UNC79: variants seen among roughly 807,000 people sequenced by gnomAD.
The protein encoded by UNC79 is unc-79 subunit of NALCN channel complex.
A neutral mutation model predicts 283.1 loss-of-function variants in UNC79; 37 were observed. That is an observed-to-expected ratio of 0.13 (90% CI 0.10 to 0.17). UNC79 has a LOEUF of 0.17. UNC79 is among the 10% of genes least tolerant of loss of function. The pLI, the probability that UNC79 is intolerant of heterozygous loss-of-function variation, is 1.00. For missense variants in UNC79, 2,272 were observed against 3,211.1 expected, an observed-to-expected ratio of 0.71 and a Z score of 7.07; for synonymous variants, 1,107 against 1,200.2, an observed-to-expected ratio of 0.92 and a Z score of 1.61.
intron 11 of UNC79, among the ~76,000 whole-genome samples, 178 bp downstream of exon 11, chr14:93,532,756 A>G (rs1169738409): frequency 2.6e-5 from 4 of 152,154 alleles, no homozygotes; most frequent in Admixed American, 2.6e-4. Flanking sequence ...AATGGTCTCT[A>G]TTTCCATTTC....
intron 1 of UNC79, 63 bp downstream of exon 1, chr14:93,431,114 G>A (rs992640969): frequency 1.7e-5 from 11 of 655,146 alleles, no homozygotes; most frequent in Non-Finnish European, 2.2e-5. Flanking sequence ...CAGCTGCGGC[G>A]TTTGCGGCTG....
intron 1 of UNC79, among the ~76,000 whole-genome samples, chr14:93,378,489 T>C (rs189136409): frequency 9.8e-5 from 15 of 152,326 alleles, no homozygotes; most frequent in Admixed American, 7.2e-4. Context: ...ATTTTGTTTT[T>C]TTTTCAGATT....
intron 5 of UNC79, among the ~76,000 whole-genome samples, chr14:93,490,557 A>G (rs2058674612): frequency 6.6e-6 from 1 of 152,176 alleles, no homozygotes; most frequent in Admixed American, 6.5e-5. Context: ...CTAGGACATG[A>G]ACACAATTCA....
chr14:93,604,753 CA>C, intron 26 of UNC79, 142 bp from the exon 27 acceptor site: 1 of 815,170 alleles, frequency 1.2e-6, no homozygotes, highest in Non-Finnish European at 1.7e-6. Context: ...ACGTTTGTTA[CA>C]TAAACAACTT....
chr14:93,662,655 G>A lies in UNC79; in HGVS notation c.6577G>A (p.Val2193Ile), dbSNP rs781053260. ...GCTCAGCTTTGTAATTCAGAATGCC[G>A]TCTTCACTCTGGCCTACCTGGTGGA... Residue 2193 changes from valine to isoleucine, a missense_variant, in exon 40 of 49, where the codon GTC becomes ATC. This residue lies in a region of UNC79 where 287 missense variants were observed against 446.4 expected (regional missense o/e 0.64). Coordinates refer to ENST00000555664, the Ensembl canonical transcript of UNC79. 21 of 1,611,924 alleles carry A rather than the reference G, an allele frequency of 1.3e-5. No individual in the cohort carries two copies. In the East Asian group the frequency reaches 1.8e-4, roughly 14 times the overall value.
At chr14:93,458,371 G>C (rs547678414) in intron 1 of UNC79, among the ~76,000 whole-genome samples, 11 of 152,214 alleles carry the variant, frequency 7.2e-5, no homozygotes, top group Non-Finnish European at 1.3e-4. Context: ...TGATTTGCTT[G>C]AAGTCACACA....
chr14:93,676,442 G>A lies in UNC79; in HGVS notation c.6741+2987G>A, dbSNP rs190240339. On this transcript the variant is annotated intron_variant, in intron 41 of 48. Transcript: ENST00000555664. ...TGAACAGGGCTTAGGGAAATATCCC[G>A]GGAGGGATTTAAGGTTAGCAGCCTG... Among the ~76,000 whole-genome samples, 47 of 152,306 alleles carry A rather than the reference G, an allele frequency of 3.1e-4. 1 individual carries two copies. In the East Asian group the frequency reaches 7.3e-3, roughly 24 times the overall value.
At chr14:93,517,959 C>A (rs2060149247) in intron 7 of UNC79, among the ~76,000 whole-genome samples, 1 of 150,488 alleles carries the variant, frequency 6.6e-6, no homozygotes, top group African/African-American at 2.4e-5. Flanking sequence ...ATCTTGCATT[C>A]TTGGGATGAA....
intron 1 of UNC79, among the ~76,000 whole-genome samples, chr14:93,353,707 G>A (rs925585415): frequency 9.2e-5 from 14 of 152,144 alleles, no homozygotes; most frequent in African/African-American, 3.1e-4. Context: ...CCTCAAACTT[G>A]CTCTTCTTCC....
chr14:93,381,669 T>G (rs2054667857), intron 1 of UNC79, among the ~76,000 whole-genome samples: 2 of 152,136 alleles, frequency 1.3e-5, no homozygotes, highest in South Asian at 4.2e-4. Flanking sequence ...GAAGAGGAGG[T>G]ATACTCCCAG....
intron 41 of UNC79, 144 bp from the exon 45 acceptor site, chr14:93,682,473 T>C: frequency 1.5e-6 from 1 of 667,686 alleles, no homozygotes; most frequent in Non-Finnish European, 2.5e-6. Flanking sequence ...GAATGAACCA[T>C]CATGATTAGC....
chr14:93,411,363 G>A (rs1439025534), intron 1 of UNC79, among the ~76,000 whole-genome samples: 2 of 152,210 alleles, frequency 1.3e-5, no homozygotes, highest in Non-Finnish European at 2.9e-5. Flanking sequence ...CCCAGGACCT[G>A]GGGGAACTTG....
At chr14:93,629,767 T>A (rs1171121396) in intron 30 of UNC79, among the ~76,000 whole-genome samples, 1 of 152,230 alleles carries the variant, frequency 6.6e-6, no homozygotes, top group Admixed American at 6.5e-5. Flanking sequence ...ATTTGCACCA[T>A]GACAAGGATG....
chr14:93,596,528 G>A (rs1234188038), intron 23 of UNC79, among the ~76,000 whole-genome samples: 1 of 152,154 alleles, frequency 6.6e-6, no homozygotes, highest in Admixed American at 6.5e-5. Context: ...CCAGCTACTT[G>A]GGAGGCTGAG....
rs147805247 is a variant in UNC79, at chr14:93,475,017, A to G, written c.448+624A>G. Among the ~76,000 whole-genome samples the G allele has an allele frequency of 1.8e-3, 280 of 152,314 alleles. 2 individuals carry two copies. The highest frequency in any genetic ancestry group is 6.4e-3 in the African/African-American group (267 of 41,560). On this transcript the variant is annotated intron_variant, in intron 3 of 48. Coordinates refer to ENST00000555664, the Ensembl canonical transcript of UNC79. Reference sequence around the variant, plus strand: ...GTGCTATGTGCTATTTGCAGTATGTATACAATATATGATATTAGTGGTGCT... The same window carrying G: ...GTGCTATGTGCTATTTGCAGTATGTGTACAATATATGATATTAGTGGTGCT...
At chr14:93,494,505 C>G (rs1355154384) in intron 5 of UNC79, among the ~76,000 whole-genome samples, 1 of 152,124 alleles carries the variant, frequency 6.6e-6, no homozygotes, top group Admixed American at 6.5e-5. Flanking sequence ...CTAATAGGAG[C>G]TGGTAATTAG....
At chr14:93,364,337 T>C (rs2054286633) in intron 1 of UNC79, among the ~76,000 whole-genome samples, 1 of 152,124 alleles carries the variant, frequency 6.6e-6, no homozygotes, top group Non-Finnish European at 1.5e-5. Flanking sequence ...AATATAAATA[T>C]AGTGCTATAG....
Position 93,688,572 on chromosome 14 carries a change from CG to C in UNC79, c.6910-89del. ...GTTGTTTGCTCAGAGTGGCGATAAGCGGGGTGGAAATGACAACCTCTTCTTT... is the reference window on the plus strand; with the variant it reads ...GTTGTTTGCTCAGAGTGGCGATAAGCGGGTGGAAATGACAACCTCTTCTTT... On this transcript the variant is annotated intron_variant, in intron 43 of 48. Transcript: ENST00000555664. This position sits in a 1 kb window ranked among gnomAD's most constrained non-coding sequence, Gnocchi z 4.0. 7.1e-7 allele frequency: 1 copy of C among 1,405,206 alleles called. No individual in the cohort carries two copies. The highest frequency in any genetic ancestry group is 1.4e-5 in the South Asian group (1 of 72,078). 87.0% of individuals were successfully genotyped at this position (1,405,206 alleles called of 1,614,324 possible).
At chr14:93,485,170 A>G (rs1190659235) in intron 4 of UNC79, among the ~76,000 whole-genome samples, 1 of 150,270 alleles carries the variant, frequency 6.7e-6, no homozygotes, top group Non-Finnish European at 1.5e-5. Context: ...TTGTCCCAAA[A>G]CAAGAATATA....
Sources: gnomAD v4.1 joint callset for allele counts (sites outside exome capture counted in the v4.1 genomes callset) on GRCh38, gnomAD v4.1.1 for gene constraint, gnomAD v4.1.1 regional missense constraint, Gnocchi (gnomAD v3.1) non-coding constraint, MANE v1.5 for transcripts, NCBI Gene and HGNC (gene_info 2026-07-23, HGNC 2026-07-21) for gene names.